NSMCE2: variants seen among roughly 807,000 people sequenced by gnomAD.
NSMCE2 encodes E3 SUMO-protein ligase NSE2.
NSMCE2 carries 24 observed loss-of-function variants against 23.8 expected under a neutral mutation model. The observed-to-expected ratio is 1.01, with a 90% CI of 0.73 to 1.42. NSMCE2 has a LOEUF of 1.42. NSMCE2 is among the 40% of genes most tolerant of loss of function. The probability of loss-of-function intolerance (pLI) is 0.00; values close to 1 mark genes in which losing one functional copy is unlikely to be tolerated. For missense variants in NSMCE2, 284 were observed against 296.5 expected (o/e 0.96, Z 0.31); for synonymous variants, 92 against 94.1 (o/e 0.98, Z 0.13).
At chr8:125,251,244 A>C (rs928441657) in intron 5 of NSMCE2, among the ~76,000 whole-genome samples, 2 of 152,224 alleles carry the variant, frequency 1.3e-5, no homozygotes, top group Non-Finnish European at 2.9e-5. Context: ...AGGGAGACGC[A>C]GGGAACAGAA....
At chr8:125,309,953 G>A (rs774763260) in intron 5 of NSMCE2, among the ~76,000 whole-genome samples, 20 of 152,326 alleles carry the variant, frequency 1.3e-4, no homozygotes, top group Non-Finnish European at 2.5e-4. Flanking sequence ...AAGCTCTGCT[G>A]TGAGAAACTC....
chr8:125,331,752 C>T (rs919733529), intron 5 of NSMCE2, among the ~76,000 whole-genome samples: 1 of 152,188 alleles, frequency 6.6e-6, no homozygotes, highest in Non-Finnish European at 1.5e-5. Flanking sequence ...GAGCAACTTA[C>T]TTTCTTTCAA....
At chr8:125,274,025 G>A (rs1050814978) in intron 5 of NSMCE2, among the ~76,000 whole-genome samples, 1 of 152,124 alleles carries the variant, frequency 6.6e-6, no homozygotes, top group Non-Finnish European at 1.5e-5. Context: ...TTTGCAAGGT[G>A]GAATGTGCTG....
chr8:125,149,442 A>G (rs1220407703), intron 3 of NSMCE2, among the ~76,000 whole-genome samples: 2 of 152,184 alleles, frequency 1.3e-5, no homozygotes, highest in Non-Finnish European at 2.9e-5. Flanking sequence ...TGTCTGCACT[A>G]AGATATATGA....
chr8:125,099,579 A>T (rs1818088175), intron 1 of NSMCE2, among the ~76,000 whole-genome samples: 2 of 152,192 alleles, frequency 1.3e-5, no homozygotes, highest in African/African-American at 2.4e-5. Context: ...CAGAAAGTGC[A>T]TCAGGAAGGG....
chr8:125,221,191 T>TAAA (rs1824844516), intron 5 of NSMCE2, among the ~76,000 whole-genome samples: 2 of 152,196 alleles, frequency 1.3e-5, no homozygotes, highest in African/African-American at 2.4e-5. Flanking sequence ...AAGGGGATAG[T>TAAA]CTAAATGAGT....
chr8:125,145,104 A>C (rs1257689055), intron 3 of NSMCE2, among the ~76,000 whole-genome samples: 5 of 152,184 alleles, frequency 3.3e-5, no homozygotes, highest in African/African-American at 1.2e-4. Flanking sequence ...CTTCAGTGAT[A>C]ATCATTCTTT....
At chr8:125,333,253 T>C (rs1284978633) in intron 5 of NSMCE2, among the ~76,000 whole-genome samples, 3 of 151,962 alleles carry the variant, frequency 2.0e-5, no homozygotes, top group Non-Finnish European at 4.4e-5. Flanking sequence ...CACTGCAGCT[T>C]TGACCTCCTG....
At chr8:125,272,597 G>A (rs1485581319) in intron 5 of NSMCE2, among the ~76,000 whole-genome samples, 7 of 151,116 alleles carry the variant, frequency 4.6e-5, no homozygotes, top group Non-Finnish European at 1.0e-4. Context: ...GTGTTACATA[G>A]CATCCTGTGA....
rs892322014 is a variant in NSMCE2 at position 125,203,809 on chromosome 8, A to T, written c.418+21553A>T. ...TAGAGAGTAGGGTGGGGTTGTTGAA[A>T]GGTTTTTAGTAGGGTTTTCCAAAGT... On this transcript the variant is annotated intron_variant, in intron 5 of 7. Transcript: ENST00000287437. Among the ~76,000 whole-genome samples, 66 of 152,302 alleles carry T rather than the reference A, an allele frequency of 4.3e-4. 1 individual carries two copies. The highest frequency in any genetic ancestry group is 1.5e-3 in the African/African-American group (64 of 41,556).
chr8:125,314,032 G>A (rs1185836957), intron 5 of NSMCE2, among the ~76,000 whole-genome samples: 1 of 152,210 alleles, frequency 6.6e-6, no homozygotes, highest in Non-Finnish European at 1.5e-5. Context: ...AGATTGGCAT[G>A]TGTTTTTCAA....
intron 5 of NSMCE2, among the ~76,000 whole-genome samples, chr8:125,320,412 A>G (rs1410649865): frequency 6.6e-6 from 1 of 152,042 alleles, no homozygotes; most frequent in Non-Finnish European, 1.5e-5. Context: ...AGAAAGATAC[A>G]TGGGGAAAAA....
chr8:125,158,735 G>A (rs1207526560), intron 4 of NSMCE2, among the ~76,000 whole-genome samples: 1 of 152,058 alleles, frequency 6.6e-6, no homozygotes, highest in East Asian at 1.9e-4. Flanking sequence ...CAATTTTCAC[G>A]TAATTAATAA....
intron 5 of NSMCE2, among the ~76,000 whole-genome samples, chr8:125,317,365 G>A (rs755214822): frequency 7.3e-5 from 11 of 149,690 alleles, no homozygotes; most frequent in Non-Finnish European, 1.6e-4. Context: ...CCTGGCTAAT[G>A]TTTGTATTTT....
chr8:125,351,809 G>A (rs989943850), intron 5 of NSMCE2, among the ~76,000 whole-genome samples: 3 of 151,880 alleles, frequency 2.0e-5, no homozygotes, highest in Admixed American at 1.3e-4. Flanking sequence ...TCAGGAGTTC[G>A]ATACCAGCCT....
intron 5 of NSMCE2, among the ~76,000 whole-genome samples, chr8:125,245,445 A>G (rs983463503): frequency 1.3e-5 from 2 of 152,208 alleles, no homozygotes; most frequent in Non-Finnish European, 1.5e-5. Context: ...CGTCAAAACT[A>G]TAGTTAAAAA....
chr8:125,226,600 G>A (rs1034889639), intron 5 of NSMCE2, among the ~76,000 whole-genome samples: 1 of 152,164 alleles, frequency 6.6e-6, no homozygotes, highest in Non-Finnish European at 1.5e-5. Context: ...GTTGTCTGGG[G>A]TTCTCACTTT....
At chr8:125,146,849 A>G (rs1015574292) in intron 3 of NSMCE2, among the ~76,000 whole-genome samples, 2 of 152,132 alleles carry the variant, frequency 1.3e-5, no homozygotes, top group Non-Finnish European at 2.9e-5. Context: ...ATACATATGT[A>G]ACAGACCTGC....
chr8:125,219,777 G>A (rs750138147), intron 5 of NSMCE2, among the ~76,000 whole-genome samples: 7 of 152,108 alleles, frequency 4.6e-5, no homozygotes, highest in Admixed American at 3.9e-4. Context: ...TTTGGGCTTC[G>A]CTGATTGAAA....
Sources: gnomAD v4.1 joint callset for allele counts (sites outside exome capture counted in the v4.1 genomes callset) on GRCh38, gnomAD v4.1.1 for gene constraint, MANE v1.5 for transcripts, NCBI Gene and HGNC (gene_info 2026-07-23, HGNC 2026-07-21) for gene names.